The following ZEB1 variants were observed in gnomAD, a reference collection of about 807,000 sequenced individuals.
ZEB1 encodes the protein zinc finger E-box binding homeobox 1.
In ZEB1, 21 loss-of-function variants were observed where a neutral mutation model predicts 84.9. The observed-to-expected ratio is 0.25, with a 90% CI of 0.18 to 0.36. The LOEUF is 0.36. Among genes scored for constraint, ZEB1 ranks in the 10% least tolerant of loss-of-function variants. ZEB1 has a pLI of 1.00. For missense variants in ZEB1, 1,104 were observed against 1,330.2 expected (o/e 0.83, Z 2.65); for synonymous variants, 420 against 471.1 (o/e 0.89, Z 1.41).
chr10:31,495,200 A>G (rs2067054045), intron 2 of ZEB1, among the ~76,000 whole-genome samples: 1 of 152,066 alleles, frequency 6.6e-6, no homozygotes, highest in South Asian at 2.1e-4. Context: ...TTTAACTTAT[A>G]AAATATGTTG....
chr10:31,411,712 G>A (rs2054328377), intron 1 of ZEB1, among the ~76,000 whole-genome samples: 1 of 148,716 alleles, frequency 6.7e-6, no homozygotes, highest in Non-Finnish European at 1.5e-5. Flanking sequence ...TCTCCCACAA[G>A]AGAAAGCAGG....
chr10:31,357,070 A>G (rs991506397), intron 1 of ZEB1, among the ~76,000 whole-genome samples: 4 of 152,182 alleles, frequency 2.6e-5, no homozygotes, highest in African/African-American at 9.6e-5. Context: ...TTCAATATCT[A>G]TTTAAAAGTA....
chr10:31,527,882 G>A lies in ZEB1; in HGVS notation c.*618G>A, dbSNP rs554197098. 2.0e-5 allele frequency: 3 copies of A among 152,932 alleles called. No individual in the cohort carries two copies. Among genetic ancestry groups the A allele is most frequent in the East Asian group, 1.9e-4 (1 of 5,190 alleles). The allele number at this position is 152,932 out of a possible 1,614,324, so 9.5% of individuals were successfully genotyped here. A position where few individuals can be genotyped will look rare whatever the true frequency, so the allele number is the denominator to read the frequency against. On this transcript the variant is annotated 3_prime_UTR_variant, in exon 9 of 9. Transcript: ENST00000424869. ...TAATATTTAGATGTCTTAGTAGAGC[G>A]TATTATCATTTAAAGTGTATTGTTA...
chr10:31,352,137 C>G (rs1480594489), intron 1 of ZEB1, among the ~76,000 whole-genome samples: 1 of 152,032 alleles, frequency 6.6e-6, no homozygotes, highest in African/African-American at 2.4e-5. Flanking sequence ...ATTTGCCTTT[C>G]TTTTTCAAAC....
chr10:31,395,673 T>C (rs1425486441), intron 1 of ZEB1, among the ~76,000 whole-genome samples: 1 of 152,180 alleles, frequency 6.6e-6, no homozygotes, highest in East Asian at 1.9e-4. Context: ...TGAATGCACC[T>C]GATTTTAAAG....
At chr10:31,356,052 C>T (rs564596448) in intron 1 of ZEB1, among the ~76,000 whole-genome samples, 43 of 152,062 alleles carry the variant, frequency 2.8e-4, no homozygotes, top group African/African-American at 1.0e-3. Context: ...TTGTATTTGA[C>T]AGAAATGTAA....
At chr10:31,480,806 GT>G (rs1437445022) in intron 2 of ZEB1, among the ~76,000 whole-genome samples, 4 of 151,930 alleles carry the variant, frequency 2.6e-5, no homozygotes, top group Admixed American at 2.6e-4. Flanking sequence ...CTTATAATAG[GT>G]AGTCATTTAA....
At chr10:31,478,304 T>G (rs2064541932) in intron 2 of ZEB1, among the ~76,000 whole-genome samples, 1 of 152,056 alleles carries the variant, frequency 6.6e-6, no homozygotes, top group Non-Finnish European at 1.5e-5. Flanking sequence ...CACAATGAGA[T>G]ATTATCTTAT....
Position 31,346,647 on chromosome 10 carries a change from T to A in ZEB1, c.58+27355T>A, listed in dbSNP as rs1180290844. On this transcript the variant is annotated intron_variant, in intron 1 of 8. Transcript: ENST00000424869. ...GATAAGTCAAGAGCAGACCACTTGA[T>A]GAAGAAAAATGAAATATCATCTAAA... 2.6e-5 allele frequency among the ~76,000 whole-genome samples: 4 copies of A among 152,062 alleles called. No homozygotes were observed. The East Asian group carries it at 7.7e-4, about 29-fold the overall frequency.
intron 1 of ZEB1, among the ~76,000 whole-genome samples, chr10:31,333,698 A>G (rs951357061): frequency 6.6e-6 from 1 of 152,116 alleles, no homozygotes; most frequent in African/African-American, 2.4e-5. Context: ...CATAGCAGCA[A>G]TAAGTGCAAA....
chr10:31,523,201 C>A (rs2072750090), intron 7 of ZEB1, among the ~76,000 whole-genome samples: 1 of 152,172 alleles, frequency 6.6e-6, no homozygotes, highest in African/African-American at 2.4e-5. Flanking sequence ...TCTTAGGGGA[C>A]CCAGTTCCAC....
At chr10:31,369,033 A>G (rs1391188584) in intron 1 of ZEB1, among the ~76,000 whole-genome samples, 1 of 152,214 alleles carries the variant, frequency 6.6e-6, no homozygotes, top group Non-Finnish European at 1.5e-5. Flanking sequence ...AACTAAATCT[A>G]AAGTGTTTCA....
intron 3 of ZEB1, among the ~76,000 whole-genome samples, chr10:31,500,573 G>A (rs1159190617): frequency 1.3e-5 from 2 of 152,178 alleles, no homozygotes; most frequent in African/African-American, 4.8e-5. Context: ...TGTCAGTAAA[G>A]AAGGCTTTCC....
intron 1 of ZEB1, among the ~76,000 whole-genome samples, chr10:31,455,038 C>T (rs1354134758): frequency 6.6e-6 from 1 of 152,212 alleles, no homozygotes; most frequent in Non-Finnish European, 1.5e-5. Context: ...GTAACCAAAA[C>T]AGCATGGTAC....
intron 1 of ZEB1, among the ~76,000 whole-genome samples, chr10:31,423,208 G>C (rs1174567797): frequency 6.6e-6 from 1 of 151,992 alleles, no homozygotes; most frequent in East Asian, 1.9e-4. Context: ...AGCTCTTCTG[G>C]AATGTGGGCA....
intron 2 of ZEB1, among the ~76,000 whole-genome samples, chr10:31,474,759 C>G (rs1006512017): frequency 5.3e-5 from 8 of 152,090 alleles, no homozygotes; most frequent in African/African-American, 1.7e-4. Context: ...GACACATGCA[C>G]ACGTATGTTT....
At chr10:31,418,973 A>G (rs1043947309) in intron 1 of ZEB1, among the ~76,000 whole-genome samples, 2 of 152,064 alleles carry the variant, frequency 1.3e-5, no homozygotes, top group African/African-American at 2.4e-5. Context: ...TGATATCCAA[A>G]CACTTCTTTT....
intron 2 of ZEB1, among the ~76,000 whole-genome samples, chr10:31,495,057 CA>C (rs2067025975): frequency 6.6e-6 from 1 of 151,978 alleles, no homozygotes; most frequent in African/African-American, 2.4e-5. Flanking sequence ...TTCTGGTACC[CA>C]AGTTAAATGA....
In ZEB1 at chr10:31,461,169, A is replaced by C; in HGVS notation, c.191A>C (p.Asp64Ala). 1 of 1,613,556 alleles carries C rather than the reference A, an allele frequency of 6.2e-7. No homozygotes were observed. Among genetic ancestry groups the C allele is most frequent in the Non-Finnish European group, 8.5e-7 (1 of 1,179,730 alleles). The change falls in exon 2 of 9, where the codon GAC becomes GCC. Residue 64 changes from aspartate to alanine, a missense_variant. This residue lies in a region of ZEB1 where 162 missense variants were observed against 184.5 expected (regional missense o/e 0.88). Transcript: ENST00000424869. ...GTACCAGAGGATGACCTGCCAACAG[A>C]CCAGACAGTGTTACCAGGGAGGAGC... The part of the protein sequence containing the change: ...EGVPEDDLPT[D>A]QTVLPGRSSE...
Sources: gnomAD v4.1 joint callset for allele counts (sites outside exome capture counted in the v4.1 genomes callset) on GRCh38, gnomAD v4.1.1 for gene constraint, gnomAD v4.1.1 regional missense constraint, MANE v1.5 for transcripts, NCBI Gene and HGNC (gene_info 2026-07-23, HGNC 2026-07-21) for gene names.